The following BRDT variants were observed in gnomAD, a reference collection of about 807,000 sequenced individuals.
BRDT encodes the protein bromodomain testis-specific protein.
Under a neutral mutation model 113.9 loss-of-function variants are expected in BRDT, and 77 were observed. That is an observed-to-expected ratio of 0.68 (90% CI 0.56 to 0.82). BRDT has a LOEUF of 0.82. Ranked by LOEUF, BRDT falls within the 40% of genes least tolerant of loss-of-function variation. BRDT has a pLI of 0.00. For missense variants in BRDT, 1,027 were observed against 1,105.4 expected, an observed-to-expected ratio of 0.93 and a Z score of 1.01; for synonymous variants, 358 against 366.5, an observed-to-expected ratio of 0.98 and a Z score of 0.26.
chr1:91,965,336 T>C (rs1041013778), intron 3 of BRDT, among the ~76,000 whole-genome samples: 3 of 152,342 alleles, frequency 2.0e-5, no homozygotes, highest in South Asian at 4.1e-4. Context: ...TAGTGGCTTG[T>C]TATGTTTTTA....
intron 16 of BRDT, among the ~76,000 whole-genome samples, chr1:92,002,366 G>T (rs6692748): frequency 0.085 from 12,863 of 151,606 alleles, 609 homozygotes; most frequent in African/African-American, 0.1. Context: ...GTGTTTTTTT[G>T]TTGTTGTTTT....
rs775685599 is a variant in BRDT at position 91,980,796 on chromosome 1, A to C, written c.1441A>C (p.Lys481Gln). Residue 481 changes from lysine to glutamine, a missense_variant, in exon 9 of 19, where the codon AAG becomes CAG. Coordinates refer to ENST00000399546, the MANE Select transcript of BRDT (RefSeq NM_207189.4). ...PRKMCEQMRL[K>Q]EKSKRNQPKK... ...AAAAATGTGTGAGCAAATGAGGCTA[A>C]AGGAAAAGTCCAAGAGAAAGTAAGT... 3 of 1,598,526 alleles carry C rather than the reference A, an allele frequency of 1.9e-6. No individual in the cohort carries two copies. Among genetic ancestry groups the C allele is most frequent in the Non-Finnish European group, 2.5e-6 (3 of 1,176,596 alleles).
At chr1:91,982,225 G>A (rs532611802) in intron 12 of BRDT, among the ~76,000 whole-genome samples, 1 of 152,204 alleles carries the variant, frequency 6.6e-6, no homozygotes, top group South Asian at 2.1e-4. Context: ...CCCAGAAGCT[G>A]TGAATCAGAT....
At chr1:91,957,149 AC>A (rs1389729179) in intron 1 of BRDT, among the ~76,000 whole-genome samples, 1 of 152,088 alleles carries the variant, frequency 6.6e-6, no homozygotes, top group Non-Finnish European at 1.5e-5. Flanking sequence ...GACAGCAAAA[AC>A]TTTTGTGTTA....
At chr1:91,960,196 AT>A (rs1483642045) in intron 1 of BRDT, among the ~76,000 whole-genome samples, 3 of 152,228 alleles carry the variant, frequency 2.0e-5, no homozygotes, top group Non-Finnish European at 4.4e-5. Flanking sequence ...CCACTTGTGT[AT>A]ATATATCCAA....
intron 4 of BRDT, among the ~76,000 whole-genome samples, chr1:91,974,148 A>G (rs2101635721): frequency 6.6e-6 from 1 of 152,370 alleles, no homozygotes; most frequent in East Asian, 1.9e-4. Flanking sequence ...GATGGATTAA[A>G]GACTTAAACG....
At chr1:91,958,214 CTTTT>C (rs35049237) in intron 1 of BRDT, among the ~76,000 whole-genome samples, 2 of 127,344 alleles carry the variant, frequency 1.6e-5, no homozygotes, top group African/African-American at 5.8e-5. Context: ...AACTCATGCC[CTTTT>C]TTTTTTTTTT....
intron 15 of BRDT, among the ~76,000 whole-genome samples, chr1:92,000,973 A>G (rs1043608704): frequency 1.4e-4 from 22 of 152,218 alleles, no homozygotes; most frequent in African/African-American, 4.8e-4. Flanking sequence ...GAAATTGCAT[A>G]GTTTGTTCTC....
intron 12 of BRDT, among the ~76,000 whole-genome samples, chr1:91,987,792 A>G (rs1233170755): frequency 6.6e-6 from 1 of 152,142 alleles, no homozygotes; most frequent in Non-Finnish European, 1.5e-5. Flanking sequence ...ATAGGTATTA[A>G]GTAAACTCTT....
intron 12 of BRDT, among the ~76,000 whole-genome samples, chr1:91,987,357 G>A (rs567820291): frequency 1.3e-5 from 2 of 150,820 alleles, no homozygotes; most frequent in Admixed American, 1.3e-4. Context: ...TTTTTGAGAT[G>A]GAATCTCACT....
intron 18 of BRDT, among the ~76,000 whole-genome samples, chr1:92,013,925 C>G (rs1472416102): frequency 6.6e-6 from 1 of 152,104 alleles, no homozygotes; most frequent in African/African-American, 2.4e-5. Flanking sequence ...ATTGAACTTT[C>G]TCTTTTACTT....
At chr1:91,951,600 C>G (rs1049645495) in intron 1 of BRDT, among the ~76,000 whole-genome samples, 1 of 151,310 alleles carries the variant, frequency 6.6e-6, no homozygotes, top group African/African-American at 2.4e-5. Flanking sequence ...GGTGAAACCC[C>G]GTCTCTACTA....
In BRDT at chr1:91,962,966, TGTTA is replaced by T. The variant is rs776641724; in HGVS notation, c.192+24_192+27del. On this transcript the variant is annotated intron_variant, in intron 2 of 18. Coordinates refer to ENST00000399546, the MANE Select transcript of BRDT (RefSeq NM_207189.4). The stretch of plus-strand genomic sequence containing the variant: ...TTGCCTGTATGTATGTCTTCAACTA[TGTTA>T]GTTTCAAAAAAAGAAAACTCCTGTA... The T allele has an allele frequency of 1.2e-5, 18 of 1,491,270 alleles. No homozygotes were observed. In the Admixed American group the frequency reaches 4.3e-4, roughly 36 times the overall value. 92.4% of individuals were successfully genotyped at this position (1,491,270 alleles called of 1,614,324 possible).
At chr1:91,953,405 T>C (rs992694750) in intron 1 of BRDT, among the ~76,000 whole-genome samples, 10 of 152,034 alleles carry the variant, frequency 6.6e-5, no homozygotes, top group African/African-American at 2.4e-4. Flanking sequence ...GTCAGCTGGG[T>C]GTTGTGGCTC....
chr1:91,994,084 T>A lies in BRDT; in HGVS notation c.2117T>A (p.Ile706Lys), dbSNP rs757677005. The A allele has an allele frequency of 5.0e-6, 8 of 1,596,090 alleles. No individual in the cohort carries two copies. The African/African-American group carries it at 8.1e-5, about 16-fold the overall frequency. Residue 706 changes from isoleucine to lysine, a missense_variant and splice_region_variant, in exon 15 of 19, where the codon ATA (isoleucine) becomes AAA (lysine). Ile to Lys is a moderately radical substitution (Grantham distance 102). Coordinates refer to ENST00000399546, the MANE Select transcript of BRDT (RefSeq NM_207189.4). ...ATAACTTTGATTTTGTTTTAACAGA[T>A]AGGATATTGTGTGCAAGACACAACC... ...PPEGRTGVTQ[I>K]GYCVQDTTSA...
In BRDT at chr1:91,976,383, C is replaced by T. The variant is rs1390595393; in HGVS notation, c.563C>T (p.Pro188Leu). 2 of 1,611,636 alleles carry T rather than the reference C, an allele frequency of 1.2e-6. No individual in the cohort carries two copies. Among genetic ancestry groups the T allele is most frequent in the Non-Finnish European group, 1.7e-6 (2 of 1,179,134 alleles). ...PSVFPKTSIS[P>L]LNVVQGASVN... ...GTATTTCCTAAGACATCTATTTCTC[C>T]CTTGAACGTGGTACAGGGAGCTTCA... Residue 188 changes from proline to leucine, a missense_variant, in exon 5 of 19, where the codon CCC (proline) becomes CTC (leucine). Transcript: ENST00000399546.
At chr1:92,011,399 T>G (rs1236976767) in intron 18 of BRDT, among the ~76,000 whole-genome samples, 2 of 152,222 alleles carry the variant, frequency 1.3e-5, no homozygotes, top group Non-Finnish European at 1.5e-5. Flanking sequence ...CAATTTTAAA[T>G]AGAAACTTTT....
At position 92,002,037 on chromosome 1, in the gene BRDT, G is replaced by T. The variant is rs997247334; in HGVS notation, c.2288-12G>T. On this transcript the variant is annotated splice_polypyrimidine_tract_variant and intron_variant, in intron 15 of 18. Coordinates refer to ENST00000399546, the MANE Select transcript of BRDT (RefSeq NM_207189.4). Reference sequence around the variant, plus strand: ...ATTTTAATTATACTATTCTAAAAATGTGTGCATCCAGGTGATTCTGAACAG... The same window carrying T: ...ATTTTAATTATACTATTCTAAAAATTTGTGCATCCAGGTGATTCTGAACAG... 7 of 1,569,932 alleles carry T rather than the reference G, an allele frequency of 4.5e-6. No individual in the cohort carries two copies. Among genetic ancestry groups the T allele is most frequent in the Middle Eastern group, 1.7e-4 (1 of 5,956 alleles).
intron 4 of BRDT, among the ~76,000 whole-genome samples, chr1:91,970,057 T>C (rs1349964909): frequency 1.3e-5 from 2 of 152,132 alleles, no homozygotes; most frequent in Non-Finnish European, 2.9e-5. Context: ...CTCAAACTCC[T>C]GACCTTAGGT....
Sources: allele counts gnomAD v4.1 joint callset (sites outside exome capture counted in the v4.1 genomes callset), GRCh38; gene constraint gnomAD v4.1.1; transcripts MANE v1.5; gene names NCBI Gene and HGNC (gene_info 2026-07-23, HGNC 2026-07-21).